The following SLC39A10 variants were observed in gnomAD, a reference collection of about 807,000 sequenced individuals.
The protein encoded by SLC39A10 is zinc transporter ZIP10.
Under a neutral mutation model 65.1 loss-of-function variants are expected in SLC39A10, and 13 were observed. The ratio of observed to expected loss-of-function variants is 0.20; its 90% CI spans 0.13 to 0.32. The LOEUF is 0.32. Ranked by LOEUF, SLC39A10 falls within the 10% of genes least tolerant of loss-of-function variation. The probability of loss-of-function intolerance (pLI) is 1.00; values close to 1 mark genes in which losing one functional copy is unlikely to be tolerated. For synonymous variants in SLC39A10, 321 were observed against 342.2 expected (o/e 0.94, Z 0.68); for missense variants, 831 against 1,018.4 (o/e 0.82, Z 2.50).
At chr2:195,727,718 C>G (rs1692295824) in intron 8 of SLC39A10, among the ~76,000 whole-genome samples, 1 of 152,070 alleles carries the variant, frequency 6.6e-6, no homozygotes, top group African/African-American at 2.4e-5. Flanking sequence ...TTAAGTTGTA[C>G]AGTAGAATTG....
chr2:195,693,136 G>A (rs1559036954), intron 3 of SLC39A10, among the ~76,000 whole-genome samples: 1 of 152,112 alleles, frequency 6.6e-6, no homozygotes, highest in Non-Finnish European at 1.5e-5. Context: ...TTATTGACTT[G>A]CAGATGTTAA....
At chr2:195,630,615 A>G (rs1431437727) in intron 2 of SLC39A10, among the ~76,000 whole-genome samples, 1 of 152,206 alleles carries the variant, frequency 6.6e-6, no homozygotes, top group Non-Finnish European at 1.5e-5. Flanking sequence ...GGCCTAACAC[A>G]CCCAACAGTG....
intron 1 of SLC39A10, chr2:195,671,705 A>G (rs1366654143): frequency 2.0e-5 from 3 of 152,306 alleles, no homozygotes; most frequent in African/African-American, 7.2e-5. Flanking sequence ...ATCTACTGGA[A>G]TGCTTGGGAA....
intron 7 of SLC39A10, among the ~76,000 whole-genome samples, chr2:195,718,009 T>C (rs1691879912): frequency 1.3e-5 from 2 of 152,228 alleles, no homozygotes; most frequent in South Asian, 4.1e-4. Flanking sequence ...GTTGGAAGGC[T>C]ACAAAAATAG....
intron 1 of SLC39A10, among the ~76,000 whole-genome samples, chr2:195,673,583 G>T (rs1426557814): frequency 6.6e-6 from 1 of 152,176 alleles, no homozygotes; most frequent in Non-Finnish European, 1.5e-5. Flanking sequence ...TAATTTATAT[G>T]TGTAAATAGG....
chr2:195,665,872 C>T (rs1359913431), intron 1 of SLC39A10, among the ~76,000 whole-genome samples: 1 of 152,114 alleles, frequency 6.6e-6, no homozygotes, highest in Non-Finnish European at 1.5e-5. Context: ...GCATACCTTC[C>T]TATTTCCTGT....
At chr2:195,650,302 A>G (rs1574221498) in intron 2 of SLC39A10, among the ~76,000 whole-genome samples, 1 of 89,756 alleles carries the variant, frequency 1.1e-5, no homozygotes, top group East Asian at 2.2e-4. Flanking sequence ...AAAAAAAGAA[A>G]AGAAAAAAAT....
chr2:195,718,018 A>G (rs1444065025), intron 7 of SLC39A10, among the ~76,000 whole-genome samples: 2 of 152,254 alleles, frequency 1.3e-5, no homozygotes, highest in African/African-American at 4.8e-5. Flanking sequence ...CTACAAAAAT[A>G]GAGAATTAAA....
chr2:195,618,396 T>C (rs773575587), intron 2 of SLC39A10, among the ~76,000 whole-genome samples: 37 of 150,782 alleles, frequency 2.5e-4, no homozygotes, highest in Non-Finnish European at 4.6e-4. Flanking sequence ...CTGACAGTAT[T>C]GAGAAAGGAA....
chr2:195,658,690 CTA>C (rs1349602082), intron 1 of SLC39A10: 2 of 152,136 alleles, frequency 1.3e-5, no homozygotes, highest in Non-Finnish European at 2.9e-5. Context: ...TATTAGGACT[CTA>C]TTGTACAAAT....
chr2:195,725,998 G>A (rs1692224269), intron 8 of SLC39A10, among the ~76,000 whole-genome samples: 1 of 152,150 alleles, frequency 6.6e-6, no homozygotes, highest in Non-Finnish European at 1.5e-5. Flanking sequence ...GAGTTTAATG[G>A]TGTTTATGGT....
At chr2:195,674,551 A>G (rs1690005686) in intron 1 of SLC39A10, 5 of 983,392 alleles carry the variant, frequency 5.1e-6, no homozygotes, top group Non-Finnish European at 6.0e-6. Context: ...TACTGGGATT[A>G]TAGGTGTGAA....
chr2:195,680,104 A>G lies in SLC39A10; in HGVS notation c.62A>G (p.His21Arg), dbSNP rs1221697122. 6.2e-7 allele frequency: 1 copy of G among 1,610,188 alleles called. No individual in the cohort carries two copies. The highest frequency in any genetic ancestry group is 8.5e-7 in the Non-Finnish European group (1 of 1,179,168). ...LICLLTFIFH[H>R]CNHCHEEHDH... Reference sequence around the variant, plus strand: ...TGTTTGCTGACATTTATTTTTCATCATTGCAACCATTGCCATGAAGAACAT... The same window carrying G: ...TGTTTGCTGACATTTATTTTTCATCGTTGCAACCATTGCCATGAAGAACAT... The change falls in exon 2 of 10, where the codon CAT becomes CGT. Residue 21 changes from histidine to arginine, a missense_variant. His to Arg is a conservative substitution (Grantham distance 29). Transcript: ENST00000359634.
At chr2:195,623,879 A>G (rs886252447) in intron 2 of SLC39A10, among the ~76,000 whole-genome samples, 1 of 148,094 alleles carries the variant, frequency 6.8e-6, no homozygotes, top group African/African-American at 2.5e-5. Flanking sequence ...AAAAATAACA[A>G]TACAACCAAC....
intron 9 of SLC39A10, among the ~76,000 whole-genome samples, chr2:195,732,260 G>A (rs962602754): frequency 6.6e-6 from 1 of 152,194 alleles, no homozygotes; most frequent in African/African-American, 2.4e-5. Context: ...TTGGCTCTAT[G>A]GAGGAAGACT....
At chr2:195,623,954 C>T (rs1357952713) in intron 2 of SLC39A10, among the ~76,000 whole-genome samples, 1 of 150,008 alleles carries the variant, frequency 6.7e-6, no homozygotes, top group African/African-American at 2.5e-5. Context: ...CTTAGATATG[C>T]AGGTTGGGAA....
chr2:195,615,341 T>C (rs1688182395), intron 2 of SLC39A10, among the ~76,000 whole-genome samples: 1 of 152,202 alleles, frequency 6.6e-6, no homozygotes, highest in African/African-American at 2.4e-5. Flanking sequence ...TTTTTGTTTG[T>C]TTTATAGACA....
intron 2 of SLC39A10, among the ~76,000 whole-genome samples, chr2:195,624,984 G>T (rs1424184038): frequency 2.7e-5 from 4 of 150,882 alleles, no homozygotes; most frequent in Non-Finnish European, 5.9e-5. Flanking sequence ...AGACCGAGGC[G>T]GGTGGATCGA....
Position 195,680,697 on chromosome 2 carries a change from A to G in SLC39A10, c.655A>G (p.Lys219Glu). 2.5e-6 allele frequency: 4 copies of G among 1,614,158 alleles called. No homozygotes were observed. Among genetic ancestry groups the G allele is most frequent in the Non-Finnish European group, 3.4e-6 (4 of 1,180,036 alleles). ...PSNEPSTETN[K>E]TQEQSDVKLP... Reference sequence around the variant, plus strand: ...CAATGAACCTTCAACAGAGACCAATAAAACCCAGGAACAATCTGATGTTAA... The same window carrying G: ...CAATGAACCTTCAACAGAGACCAATGAAACCCAGGAACAATCTGATGTTAA... The change falls in exon 2 of 10, where the codon AAA becomes GAA. Residue 219 changes from lysine (K) to glutamate (E), a missense_variant. Physicochemically the swap from Lys to Glu is moderately conservative, Grantham distance 56. Transcript: ENST00000359634.
Sources: gnomAD v4.1 joint callset for allele counts (sites outside exome capture counted in the v4.1 genomes callset) on GRCh38, gnomAD v4.1.1 for gene constraint, MANE v1.5 for transcripts, NCBI Gene and HGNC (gene_info 2026-07-23, HGNC 2026-07-21) for gene names.